Variants in DHX57 observed in about 807,000 individuals in gnomAD.
The protein encoded by DHX57 is DExH-box helicase 57, also known as putative ATP-dependent RNA helicase DHX57.
A neutral mutation model predicts 156.2 loss-of-function variants in DHX57; 105 were observed. That is an observed-to-expected ratio of 0.67 (90% confidence interval 0.57 to 0.79). The LOEUF is 0.79. DHX57 is among the 30% of genes least tolerant of loss of function. DHX57 has a pLI of 0.00. For synonymous variants in DHX57, 704 were observed against 595.6 expected (o/e 1.18, Z -2.65); for missense variants, 1,847 against 1,661.9 (o/e 1.11, Z -1.94).
intron 21 of DHX57, among the ~76,000 whole-genome samples, chr2:38,812,815 G>A (rs1315440552): frequency 6.6e-6 from 1 of 151,346 alleles, no homozygotes; most frequent in Non-Finnish European, 1.5e-5. Context: ...TTACAGGCGT[G>A]AGCCATCGTG....
intron 12 of DHX57, among the ~76,000 whole-genome samples, chr2:38,840,697 CTTAAAAA>C (rs1671948597): frequency 1.3e-5 from 2 of 152,294 alleles, no homozygotes; most frequent in Admixed American, 1.3e-4. Flanking sequence ...ATTCTCCTTC[CTTAAAAA>C]GGGGGTCCCA....
chr2:38,837,871 T>C lies in DHX57; in HGVS notation c.2502A>G (p.Leu834=), dbSNP rs1162364560. ...GCTTTCCATCCACAATCCACTCTAA[T>C]AAGGCCTCTATTAATTCAAGATTCA... ...EKVNLELIEA[L]LEWIVDGKHS... The change falls in exon 13 of 24, where the codon TTA becomes TTG. Residue 834 remains leucine, a synonymous_variant. Transcript: ENST00000457308. The C allele has an allele frequency of 1.2e-6, 2 of 1,613,476 alleles. No homozygotes were observed. The highest frequency in any genetic ancestry group is 1.1e-5 in the South Asian group (1 of 91,062).
intron 15 of DHX57, 88 bp from the exon 16 acceptor site, chr2:38,826,135 T>G: frequency 7.3e-7 from 1 of 1,360,658 alleles, no homozygotes; most frequent in Non-Finnish European, 1.0e-6. Flanking sequence ...TGAACCAGCT[T>G]CCTCCTGTAG....
chr2:38,825,722 A>G, intron 16 of DHX57, 125 bp downstream of exon 16: 3 of 939,556 alleles, frequency 3.2e-6, no homozygotes, highest in Non-Finnish European at 3.2e-6. Flanking sequence ...CTTCACAAAT[A>G]AATGAGATTA....
intron 21 of DHX57, among the ~76,000 whole-genome samples, chr2:38,808,017 T>C (rs558162277): frequency 1.1e-3 from 133 of 125,624 alleles, no homozygotes; most frequent in African/African-American, 3.8e-3. Context: ...TGCAGTGGCG[T>C]GATGTTGGCT....
chr2:38,833,054 C>T (rs1333872394), intron 13 of DHX57, among the ~76,000 whole-genome samples: 2 of 149,438 alleles, frequency 1.3e-5, no homozygotes, highest in South Asian at 2.1e-4. Flanking sequence ...TGTGCCTGGC[C>T]GAAATCTCTA....
chr2:38,814,852 A>G (rs1162217922), intron 20 of DHX57, among the ~76,000 whole-genome samples: 2 of 151,520 alleles, frequency 1.3e-5, no homozygotes, highest in South Asian at 2.1e-4. Flanking sequence ...CCTCCCGAGT[A>G]GCTGGGATTA....
chr2:38,860,740 C>T (rs569572069), intron 5 of DHX57, among the ~76,000 whole-genome samples: 10 of 152,320 alleles, frequency 6.6e-5, no homozygotes, highest in South Asian at 2.1e-4. Context: ...TTCCAAGCCT[C>T]GGATTTTATA....
At position 38,855,044 on chromosome 2, in the gene DHX57, A is replaced by G. The variant is rs1572696625; in HGVS notation, c.1905+13T>C. The G allele has an allele frequency of 6.2e-7, 1 of 1,614,052 alleles. No homozygotes were observed. Among genetic ancestry groups the G allele is most frequent in the South Asian group, 1.1e-5 (1 of 91,088 alleles). ...AAATTTCTGTTACCAGGAAATAAGC[A>G]GAGCATACAAACCTTGACACTTTCT... On this transcript the variant is annotated intron_variant, in intron 8 of 23. Coordinates refer to ENST00000457308, the MANE Select transcript of DHX57 (RefSeq NM_198963.3).
rs199910361 is a variant in DHX57, at chr2:38,868,269, C to T, written c.137G>A (p.Gly46Glu). The T allele has an allele frequency of 6.4e-7, 1 of 1,553,676 alleles. No homozygotes were observed. Among genetic ancestry groups the T allele is most frequent in the Non-Finnish European group, 8.8e-7 (1 of 1,140,850 alleles). Residue 46 changes from glycine (G) to glutamate (E), a missense_variant, in exon 2 of 24, where the codon GGA (glycine) becomes GAA (glutamate). By Grantham distance (98) the Gly-to-Glu change is moderately conservative. Coordinates refer to ENST00000457308, the MANE Select transcript of DHX57 (RefSeq NM_198963.3). ...GGAGGCCTTTCTGTTGCCGCCACCT[C>T]CACCACCACCACCACCGCCACCGCC... is the stretch of plus-strand genomic sequence containing the variant. ...SGGGGGGGGGGGGGNRKASSR... is the reference protein window; with the variant it reads ...SGGGGGGGGGEGGGNRKASSR...
At chr2:38,849,041 G>A (rs1158871612) in intron 9 of DHX57, among the ~76,000 whole-genome samples, 1 of 151,964 alleles carries the variant, frequency 6.6e-6, no homozygotes, top group Non-Finnish European at 1.5e-5. Flanking sequence ...GCTGGTATAG[G>A]GTACAAATTT....
At chr2:38,809,956 C>T (rs747566941) in intron 21 of DHX57, among the ~76,000 whole-genome samples, 6 of 151,810 alleles carry the variant, frequency 4.0e-5, no homozygotes, top group African/African-American at 1.5e-4. Context: ...TGCAATGATG[C>T]GATCTCTGCT....
chr2:38,843,260 G>A (rs779036050), intron 11 of DHX57, 50 bp from the exon 12 acceptor site: 2 of 1,584,480 alleles, frequency 1.3e-6, no homozygotes, highest in Admixed American at 3.4e-5. Flanking sequence ...CTGTTGGTGA[G>A]GAGGGAAAGA....
At chr2:38,854,556 G>GTTTT (rs1180060112) in intron 8 of DHX57, 4 of 132,706 alleles carry the variant, frequency 3.0e-5, no homozygotes, top group Admixed American at 1.6e-4. Context: ...CCAAATAAGA[G>GTTTT]TTTTTTTTTT....
chr2:38,806,824 T>C (rs1669963727), intron 21 of DHX57, 131 bp from the exon 22 acceptor site: 1 of 921,598 alleles, frequency 1.1e-6, no homozygotes, highest in East Asian at 2.7e-5. Context: ...GTTCCCTTTC[T>C]TTCTTATTTT....
intron 7 of DHX57, among the ~76,000 whole-genome samples, chr2:38,856,002 T>C (rs1331477996): frequency 6.6e-6 from 1 of 152,046 alleles, no homozygotes; most frequent in Non-Finnish European, 1.5e-5. Context: ...TCTCAGCTAC[T>C]CGGATGGCTG....
intron 21 of DHX57, among the ~76,000 whole-genome samples, chr2:38,812,785 G>A (rs905479017): frequency 1.3e-5 from 2 of 151,894 alleles, no homozygotes; most frequent in Non-Finnish European, 2.9e-5. Context: ...CGCCCGCCTC[G>A]GCCTCCCAAA....
chr2:38,838,017 A>G, intron 12 of DHX57, 70 bp from the exon 13 acceptor site: 1 of 968,640 alleles, frequency 1.0e-6, no homozygotes, highest in African/African-American at 1.6e-5. Context: ...GTATATTTAT[A>G]CCATATACAA....
rs1672389165 is a variant in DHX57 at position 38,848,188 on chromosome 2, A to T, written c.2164+81T>A. 5.1e-6 allele frequency: 7 copies of T among 1,360,964 alleles called. No homozygotes were observed. In the Admixed American group the frequency reaches 1.5e-4, roughly 28 times the overall value. 84.3% of individuals were successfully genotyped at this position (1,360,964 alleles called of 1,614,324 possible). ...ATCGCTTCTCTAGAAAGAGGTATAAATATCTACTTATGTCTCAAACTTTAA... is the reference window on the plus strand; with the variant it reads ...ATCGCTTCTCTAGAAAGAGGTATAATTATCTACTTATGTCTCAAACTTTAA... On this transcript the variant is annotated intron_variant, in intron 10 of 23. Transcript: ENST00000457308.
Sources: gnomAD v4.1 joint callset for allele counts (sites outside exome capture counted in the v4.1 genomes callset) on GRCh38, gnomAD v4.1.1 for gene constraint, MANE v1.5 for transcripts, NCBI Gene and HGNC (gene_info 2026-07-23, HGNC 2026-07-21) for gene names.